Variants in STK3 observed in about 807,000 individuals in gnomAD.
STK3 encodes the protein serine/threonine kinase 3.
STK3 carries 41 observed loss-of-function variants against 58.0 expected under a neutral mutation model. The ratio of observed to expected loss-of-function variants is 0.71; its 90% CI spans 0.55 to 0.92. The LOEUF (loss-of-function observed/expected upper bound fraction) is 0.92. Among genes scored for constraint, STK3 ranks in the 40% least tolerant of loss-of-function variants. STK3 has a pLI of 0.00. For synonymous variants in STK3, 170 were observed against 191.0 expected (o/e 0.89, Z 0.91); for missense variants, 479 against 602.7 (o/e 0.79, Z 2.15).
intron 9 of STK3, among the ~76,000 whole-genome samples, chr8:98,537,828 T>G (rs944607799): frequency 1.3e-5 from 2 of 152,100 alleles, no homozygotes; most frequent in Non-Finnish European, 2.9e-5. Context: ...ATAAGAAATT[T>G]TAAAGAAAAA....
intron 8 of STK3, among the ~76,000 whole-genome samples, chr8:98,548,430 T>C (rs1810895470): frequency 2.0e-5 from 3 of 152,056 alleles, no homozygotes; most frequent in Admixed American, 2.0e-4. Flanking sequence ...TTAAGATAGG[T>C]AAACTATCAG....
the STK3 span, among the ~76,000 whole-genome samples, chr8:98,358,752 T>C: frequency 7.9e-5 from 12 of 152,124 alleles, no homozygotes; most frequent in Admixed American, 4.6e-4. Flanking sequence ...TTTGCTGCAG[T>C]GAAGCGCCAA....
chr8:98,571,290 C>T (rs533874879), intron 8 of STK3, among the ~76,000 whole-genome samples: 2 of 152,158 alleles, frequency 1.3e-5, no homozygotes, highest in East Asian at 1.9e-4. Flanking sequence ...GGGATCACGC[C>T]ACTGCACTCC....
intron 1 of STK3, among the ~76,000 whole-genome samples, chr8:98,936,898 A>T (rs1224146899): frequency 6.6e-6 from 1 of 152,222 alleles, no homozygotes; most frequent in Non-Finnish European, 1.5e-5. Context: ...GTATGGGGGA[A>T]AGGACAAGGG....
At chr8:98,682,048 A>T (rs925108796) in intron 6 of STK3, among the ~76,000 whole-genome samples, 1 of 152,236 alleles carries the variant, frequency 6.6e-6, no homozygotes, top group Admixed American at 6.5e-5. Flanking sequence ...CCTGAGCAAG[A>T]TCCAGAAAAA....
At chr8:98,691,464 T>A (rs761827784) in intron 6 of STK3, among the ~76,000 whole-genome samples, 33 of 151,994 alleles carry the variant, frequency 2.2e-4, no homozygotes, top group Non-Finnish European at 4.6e-4. Context: ...AAAGAAGACA[T>A]ACAAAGGGAC....
At chr8:98,427,286 G>C (rs1818250441) in intron 3 of STK3, 1 of 151,618 alleles carries the variant, frequency 6.6e-6, no homozygotes, top group Non-Finnish European at 1.5e-5. Flanking sequence ...CGCGGGTTGG[G>C]GAAGTTTCCC....
At chr8:98,475,117 C>T (rs1221612723) in intron 10 of STK3, among the ~76,000 whole-genome samples, 2 of 152,084 alleles carry the variant, frequency 1.3e-5, no homozygotes, top group Admixed American at 6.5e-5. Context: ...GAAATCTGAG[C>T]TCATCTGTAT....
At chr8:98,824,999 C>T (rs1044330266) in intron 1 of STK3, among the ~76,000 whole-genome samples, 1 of 152,148 alleles carries the variant, frequency 6.6e-6, no homozygotes, top group African/African-American at 2.4e-5. Flanking sequence ...CATACATTTC[C>T]AACACAGGTG....
chr8:98,527,669 AAAAATCAT>A (rs1183934258), intron 9 of STK3, among the ~76,000 whole-genome samples: 4 of 152,124 alleles, frequency 2.6e-5, no homozygotes, highest in Non-Finnish European at 4.4e-5. Context: ...AAAAATTAAA[AAAAATCAT>A]AAGAACTTAC....
chr8:98,390,253 A>T (rs958153748), upstream of STK3, among the ~76,000 whole-genome samples: 1 of 152,186 alleles, frequency 6.6e-6, no homozygotes, highest in Non-Finnish European at 1.5e-5. Context: ...GATTCACAGA[A>T]TGTTTTTATT....
chr8:98,585,595 A>C (rs1392241342), intron 7 of STK3, among the ~76,000 whole-genome samples: 41 of 149,016 alleles, frequency 2.8e-4, no homozygotes, highest in South Asian at 6.6e-4. Flanking sequence ...TTTTGGTTCC[A>C]TATGAACTTT....
chr8:98,544,800 G>A (rs552954694), intron 9 of STK3, among the ~76,000 whole-genome samples: 1 of 151,870 alleles, frequency 6.6e-6, no homozygotes, highest in Admixed American at 6.6e-5. Context: ...ATTCTTACCA[G>A]GACAAACTTC....
chr8:98,596,305 A>G, intron 6 of STK3, 136 bp from the exon 7 acceptor site: 2 of 1,037,830 alleles, frequency 1.9e-6, no homozygotes, highest in Non-Finnish European at 2.7e-6. Context: ...TTCTAGTAAC[A>G]CTGAAATTCA....
At chr8:98,563,573 GT>G (rs1425493258) in intron 8 of STK3, among the ~76,000 whole-genome samples, 2 of 152,054 alleles carry the variant, frequency 1.3e-5, no homozygotes, top group Admixed American at 1.3e-4. Context: ...ATTTCCTACA[GT>G]TTTCCAGTAA....
At chr8:98,361,092 A>G in the STK3 span, among the ~76,000 whole-genome samples, 2 of 152,198 alleles carry the variant, frequency 1.3e-5, no homozygotes, top group Non-Finnish European at 2.9e-5. Context: ...TGCAGAATGT[A>G]TAAACTAAGG....
rs533678143 is a variant in STK3, at chr8:98,822,065, CAT to C, written c.26+3448_26+3449del. On this transcript the variant is annotated intron_variant, in intron 1 of 10. Coordinates refer to ENST00000419617, the MANE Select transcript of STK3 (RefSeq NM_006281.4). ...ACACACACATACATACACACACACA[CAT>C]ACACACACACATATATATGTAACAT... 9.8e-5 allele frequency among the ~76,000 whole-genome samples: 14 copies of C among 143,144 alleles called. No individual in the cohort carries two copies. In the South Asian group the frequency reaches 1.6e-3, roughly 17 times the overall value. 93.9% of individuals were successfully genotyped at this position (143,144 alleles called of 152,430 possible). A position where few individuals can be genotyped will look rare whatever the true frequency, so the allele number is the denominator to read the frequency against.
intron 1 of STK3, among the ~76,000 whole-genome samples, chr8:98,930,016 A>G (rs1389515367): frequency 2.6e-5 from 4 of 152,206 alleles, no homozygotes; most frequent in Admixed American, 2.6e-4. Context: ...CTTATTTGAC[A>G]ATGGAATCTT....
rs561089842 is a variant in STK3 at position 98,773,866 on chromosome 8, A to T, written c.107+873T>A. ...GGCTAGAGTGCAATGGCGTGATCTC[A>T]GCTCACCACAACCTTCACCTTCCGG... is the stretch of plus-strand genomic sequence containing the variant. On this transcript the variant is annotated intron_variant, in intron 2 of 10. Coordinates refer to ENST00000419617, the MANE Select transcript of STK3 (RefSeq NM_006281.4). Among the ~76,000 whole-genome samples the T allele has an allele frequency of 7.2e-5, 11 of 151,816 alleles. No homozygotes were observed. In the East Asian group the frequency reaches 1.7e-3, roughly 24 times the overall value.
Sources: gnomAD v4.1 joint callset for allele counts (sites outside exome capture counted in the v4.1 genomes callset) on GRCh38, gnomAD v4.1.1 for gene constraint, MANE v1.5 for transcripts, NCBI Gene and HGNC (gene_info 2026-07-23, HGNC 2026-07-21) for gene names.